The following NELL1 variants were observed in gnomAD, a reference collection of about 807,000 sequenced individuals.
NELL1 encodes the protein protein kinase C-binding protein NELL1.
In NELL1, 76 loss-of-function variants were observed where a neutral mutation model predicts 107.4. The observed-to-expected ratio is 0.71, with a 90% CI of 0.59 to 0.86. The LOEUF (loss-of-function observed/expected upper bound fraction) is 0.86. Among genes scored for constraint, NELL1 ranks in the 40% least tolerant of loss-of-function variants. NELL1 has a pLI of 0.00. For synonymous variants in NELL1, 353 were observed against 341.2 expected (o/e 1.03, Z -0.38); for missense variants, 1,024 against 1,005.5 (o/e 1.02, Z -0.25).
At chr11:21,438,423 C>A (rs903134211) in intron 15 of NELL1, among the ~76,000 whole-genome samples, 1 of 151,992 alleles carries the variant, frequency 6.6e-6, no homozygotes, top group Non-Finnish European at 1.5e-5. Context: ...ACAGTTTGAC[C>A]GAACTGTGAC....
intron 12 of NELL1, among the ~76,000 whole-genome samples, chr11:21,112,125 T>C (rs978659804): frequency 8.5e-5 from 13 of 152,068 alleles, no homozygotes; most frequent in African/African-American, 2.7e-4. Context: ...CTGCAGGAAG[T>C]TGATTGCCTG....
intron 16 of NELL1, among the ~76,000 whole-genome samples, chr11:21,539,784 G>T (rs1591018885): frequency 6.6e-6 from 1 of 151,556 alleles, no homozygotes; most frequent in South Asian, 2.1e-4. Flanking sequence ...GATAGGGTGT[G>T]GTGGGCCAAA....
intron 4 of NELL1, 99 bp from the exon 5 acceptor site, chr11:20,885,345 C>A: frequency 1.3e-6 from 1 of 752,528 alleles, no homozygotes; most frequent in Non-Finnish European, 2.4e-6. Context: ...GGCTTCTCTT[C>A]ATACAGCAGC....
intron 10 of NELL1, among the ~76,000 whole-genome samples, chr11:20,942,026 A>G (rs1247733873): frequency 6.6e-6 from 1 of 152,178 alleles, no homozygotes; most frequent in East Asian, 1.9e-4. Flanking sequence ...TCTTACTTAC[A>G]TTGTTTCATT....
intron 13 of NELL1, among the ~76,000 whole-genome samples, chr11:21,201,955 C>G (rs943909286): frequency 1.3e-5 from 2 of 152,284 alleles, no homozygotes; most frequent in African/African-American, 4.8e-5. Context: ...GTTGAACCAG[C>G]CTTGTATCCC....
At chr11:20,708,497 G>GT (rs1828499345) in intron 2 of NELL1, among the ~76,000 whole-genome samples, 1 of 151,874 alleles carries the variant, frequency 6.6e-6, no homozygotes, top group Non-Finnish European at 1.5e-5. Context: ...TTTTTTTAAT[G>GT]TTTTTTGGCC....
At chr11:21,338,249 T>C (rs1850481527) in intron 14 of NELL1, among the ~76,000 whole-genome samples, 1 of 152,214 alleles carries the variant, frequency 6.6e-6, no homozygotes, top group South Asian at 2.1e-4. Flanking sequence ...CAGTGCTTGC[T>C]AAATGCAAAT....
chr11:21,245,357 C>T (rs906601497), intron 14 of NELL1, among the ~76,000 whole-genome samples: 22 of 152,158 alleles, frequency 1.4e-4, no homozygotes, highest in African/African-American at 5.1e-4. Flanking sequence ...TGTGAACCTG[C>T]TTCCTCAGGT....
intron 16 of NELL1, among the ~76,000 whole-genome samples, chr11:21,551,744 C>G (rs1272699938): frequency 6.6e-6 from 1 of 151,218 alleles, no homozygotes; most frequent in Non-Finnish European, 1.5e-5. Context: ...CCTCAGGGAT[C>G]TAGAACTAGA....
intron 15 of NELL1, among the ~76,000 whole-genome samples, chr11:21,499,828 A>C (rs1466804239): frequency 3.3e-5 from 5 of 152,124 alleles, no homozygotes; most frequent in Non-Finnish European, 5.9e-5. Flanking sequence ...ACTGTGTTGC[A>C]TCCTTAGCCC....
chr11:21,102,746 G>C (rs978095981), intron 12 of NELL1, among the ~76,000 whole-genome samples: 1 of 152,024 alleles, frequency 6.6e-6, no homozygotes, highest in Non-Finnish European at 1.5e-5. Context: ...GGTGTTTTCC[G>C]TTCCACCTTT....
chr11:21,507,771 T>C (rs962306097), intron 15 of NELL1, among the ~76,000 whole-genome samples: 2 of 148,012 alleles, frequency 1.4e-5, no homozygotes, highest in Non-Finnish European at 3.0e-5. Context: ...AAAGCAAAAG[T>C]TTTTTCTTTT....
At chr11:21,574,860 C>A (rs1857185381) in intron 19 of NELL1, 112 bp from the exon 20 acceptor site, 5 of 826,276 alleles carry the variant, frequency 6.1e-6, no homozygotes, top group Non-Finnish European at 9.9e-6. Flanking sequence ...TTTTTATAGC[C>A]TTCTTGAAGT....
chr11:20,979,318 T>TA (rs374820587), intron 12 of NELL1, among the ~76,000 whole-genome samples: 308 of 152,334 alleles, frequency 2.0e-3, no homozygotes, highest in African/African-American at 6.8e-3. Context: ...GCTAAAACCT[T>TA]AAAAAACTAT....
chr11:20,763,003 C>A (rs1856455542), intron 2 of NELL1, among the ~76,000 whole-genome samples: 1 of 151,974 alleles, frequency 6.6e-6, no homozygotes, highest in South Asian at 2.1e-4. Flanking sequence ...GATACGCCAA[C>A]CTTACTGGAA....
At chr11:21,284,762 C>T (rs557457828) in intron 14 of NELL1, 19 of 342,254 alleles carry the variant, frequency 5.6e-5, no homozygotes, top group Non-Finnish European at 1.0e-4. Flanking sequence ...CAAACCCTAC[C>T]GCCATGCTGC....
intron 14 of NELL1, among the ~76,000 whole-genome samples, chr11:21,312,400 A>T (rs4362140): frequency 1.3e-5 from 2 of 151,696 alleles, no homozygotes; most frequent in African/African-American, 2.4e-5. Flanking sequence ...CTTTGTCCAA[A>T]TTTAAGTTAA....
At chr11:21,344,782 G>A (rs1850650026) in intron 14 of NELL1, among the ~76,000 whole-genome samples, 1 of 151,918 alleles carries the variant, frequency 6.6e-6, no homozygotes. Flanking sequence ...TGCCTTATTA[G>A]TGTTTCAGTG....
intron 12 of NELL1, among the ~76,000 whole-genome samples, chr11:20,976,183 T>C (rs192282121): frequency 6.7e-6 from 1 of 149,532 alleles, no homozygotes; most frequent in African/African-American, 2.5e-5. Context: ...TACATATATA[T>C]GTTTATATCT....
Sources: allele counts gnomAD v4.1 joint callset (sites outside exome capture counted in the v4.1 genomes callset), GRCh38; gene constraint gnomAD v4.1.1; transcripts MANE v1.5; gene names NCBI Gene and HGNC (gene_info 2026-07-23, HGNC 2026-07-21).